Variants in B3GAT2 observed in about 807,000 individuals in gnomAD.
B3GAT2 encodes galactosylgalactosylxylosylprotein 3-beta-glucuronosyltransferase 2.
A neutral mutation model predicts 27.8 loss-of-function variants in B3GAT2; 26 were observed. The ratio of observed to expected loss-of-function variants is 0.93; its 90% CI spans 0.68 to 1.30. The LOEUF is 1.30. B3GAT2 is among the 50% of genes most tolerant of loss of function. The probability of loss-of-function intolerance (pLI) is 0.00; values close to 1 mark genes in which losing one functional copy is unlikely to be tolerated. For missense variants in B3GAT2, 458 were observed against 459.0 expected (o/e 1.00, Z 0.02); for synonymous variants, 218 against 195.1 (o/e 1.12, Z -0.98).
At chr6:70,878,696 A>T (rs1772053509) in intron 2 of B3GAT2, among the ~76,000 whole-genome samples, 1 of 145,118 alleles carries the variant, frequency 6.9e-6, no homozygotes, top group Admixed American at 6.8e-5. Flanking sequence ...CTTCTTTTTG[A>T]ATTCATTTTG....
Position 70,858,436 on chromosome 6 carries a change from G to T in B3GAT2, c.*3227C>A. On this transcript the variant is annotated 3_prime_UTR_variant, in exon 4 of 4. Coordinates refer to ENST00000230053, the MANE Select transcript of B3GAT2 (RefSeq NM_080742.3). Reference sequence around the variant, plus strand: ...ATGATGTGTTATTATCGCTATTTTAGAGTATTCTGTAAAAAAAAGGTTAAA... The same window carrying T: ...ATGATGTGTTATTATCGCTATTTTATAGTATTCTGTAAAAAAAAGGTTAAA... The T allele has an allele frequency of 2.2e-6, 1 of 457,414 alleles. No homozygotes were observed. The highest frequency in any genetic ancestry group is 4.0e-5 in the Admixed American group (1 of 25,032). The allele number at this position is 457,414 out of a possible 1,614,324, so 28.3% of individuals were successfully genotyped here.
At position 70,953,318 on chromosome 6, in the gene B3GAT2, G is replaced by A. The variant is rs142628050; in HGVS notation, c.591+2521C>T. ...CACGGAATCATTAATCTGAGAACGG[G>A]TGTATGGTAGGCTGTCTCACAAATA... is the stretch of plus-strand genomic sequence containing the variant. On this transcript the variant is annotated intron_variant, in intron 1 of 3. Coordinates refer to ENST00000230053, the MANE Select transcript of B3GAT2 (RefSeq NM_080742.3). 2.3e-3 allele frequency among the ~76,000 whole-genome samples: 351 copies of A among 152,334 alleles called. 3 individuals are homozygous for A. Among genetic ancestry groups the A allele is most frequent in the Middle Eastern group, 0.01 (3 of 294 alleles).
intron 1 of B3GAT2, among the ~76,000 whole-genome samples, chr6:70,953,143 T>C (rs575538413): frequency 7.9e-5 from 12 of 152,358 alleles, no homozygotes; most frequent in Non-Finnish European, 1.6e-4. Flanking sequence ...CTAATTGGTG[T>C]GCATGCACAA....
chr6:70,903,587 T>C (rs1772547077), intron 1 of B3GAT2, among the ~76,000 whole-genome samples: 1 of 152,120 alleles, frequency 6.6e-6, no homozygotes, highest in African/African-American at 2.4e-5. Flanking sequence ...TGACCAATTA[T>C]CACACAAAAA....
chr6:70,907,405 G>C (rs1772619660), intron 1 of B3GAT2, among the ~76,000 whole-genome samples: 1 of 152,198 alleles, frequency 6.6e-6, no homozygotes. Context: ...ACATTGTGAG[G>C]ACGGCAGGGT....
At chr6:70,893,809 G>A (rs1023088326) in intron 2 of B3GAT2, among the ~76,000 whole-genome samples, 7 of 152,084 alleles carry the variant, frequency 4.6e-5, no homozygotes, top group African/African-American at 1.7e-4. Flanking sequence ...TGGAAGGCAG[G>A]AGCCAGGTCT....
intron 1 of B3GAT2, among the ~76,000 whole-genome samples, chr6:70,900,987 C>T (rs1333704047): frequency 6.6e-6 from 1 of 151,888 alleles, no homozygotes; most frequent in Non-Finnish European, 1.5e-5. Context: ...CCAATGGGAC[C>T]CATGAACTAA....
chr6:70,924,582 G>A (rs1772922747), intron 1 of B3GAT2, among the ~76,000 whole-genome samples: 1 of 152,130 alleles, frequency 6.6e-6, no homozygotes, highest in African/African-American at 2.4e-5. Context: ...CTAGAATAGA[G>A]AGCCCAGAAA....
chr6:70,910,648 G>A, intron 1 of B3GAT2, among the ~76,000 whole-genome samples: 1 of 152,134 alleles, frequency 6.6e-6, no homozygotes, highest in East Asian at 1.9e-4. Context: ...GTGTGCATGT[G>A]TCTTTATGGT....
At chr6:70,886,123 T>G (rs1268225493) in intron 2 of B3GAT2, among the ~76,000 whole-genome samples, 1 of 152,188 alleles carries the variant, frequency 6.6e-6, no homozygotes, top group African/African-American at 2.4e-5. Context: ...GTTCTGCAGA[T>G]GAAGAAACCA....
At chr6:70,882,378 G>A (rs865993839) in intron 2 of B3GAT2, among the ~76,000 whole-genome samples, 2 of 152,148 alleles carry the variant, frequency 1.3e-5, no homozygotes, top group African/African-American at 4.8e-5. Flanking sequence ...GCGGGTGCCT[G>A]TAGTCCCAGC....
chr6:70,922,710 T>C (rs959887448), intron 1 of B3GAT2, among the ~76,000 whole-genome samples: 2 of 150,884 alleles, frequency 1.3e-5, no homozygotes, highest in African/African-American at 4.9e-5. Flanking sequence ...ATAATAAATA[T>C]TGAAAAGAAG....
At chr6:70,955,480 A>G (rs938578369) in intron 1 of B3GAT2, among the ~76,000 whole-genome samples, 1 of 123,686 alleles carries the variant, frequency 8.1e-6, no homozygotes, top group African/African-American at 3.0e-5. Flanking sequence ...TATCGCAGCC[A>G]GCGCCTGCAG....
At chr6:70,936,726 C>T (rs1181932083) in intron 1 of B3GAT2, among the ~76,000 whole-genome samples, 5 of 151,864 alleles carry the variant, frequency 3.3e-5, no homozygotes, top group Admixed American at 1.3e-4. Context: ...ACACAACATA[C>T]CAGAATCTCT....
At chr6:70,877,187 G>T (rs1407372468) in intron 2 of B3GAT2, among the ~76,000 whole-genome samples, 4 of 152,224 alleles carry the variant, frequency 2.6e-5, no homozygotes, top group African/African-American at 9.6e-5. Context: ...GCACTAGATG[G>T]TTCAGGTAAG....
In B3GAT2 at chr6:70,956,173, G is replaced by T; in HGVS notation, c.257C>A (p.Thr86Lys). 1 of 1,610,192 alleles carries T rather than the reference G, an allele frequency of 6.2e-7. No homozygotes were observed. The change falls in exon 1 of 4, where the codon ACG becomes AAG. Residue 86 changes from threonine to lysine, a missense_variant. Coordinates refer to ENST00000230053, the MANE Select transcript of B3GAT2 (RefSeq NM_080742.3). ...CTGCACCGGGCGGCTGTAGGTGGGC[G>T]TGATGGCATAGATGGTGGGCAGCTG... ...EPQLPTIYAI[T>K]PTYSRPVQKA...
At chr6:70,867,241 C>T (rs1190804056) in intron 2 of B3GAT2, among the ~76,000 whole-genome samples, 1 of 151,962 alleles carries the variant, frequency 6.6e-6, no homozygotes, top group African/African-American at 2.4e-5. Context: ...AATTCAATAA[C>T]CTAAGCTCCT....
chr6:70,928,924 G>A (rs893683206), intron 1 of B3GAT2, among the ~76,000 whole-genome samples: 4 of 152,060 alleles, frequency 2.6e-5, no homozygotes, highest in East Asian at 1.9e-4. Flanking sequence ...TGTTTATTGA[G>A]GCACTATTCA....
Position 70,947,224 on chromosome 6 carries a change from C to G in B3GAT2, c.591+8615G>C, listed in dbSNP as rs1418815677. Among the ~76,000 whole-genome samples the G allele has an allele frequency of 9.2e-5, 14 of 151,798 alleles. No individual in the cohort carries two copies. In the South Asian group the frequency reaches 2.5e-3, roughly 27 times the overall value. On this transcript the variant is annotated intron_variant, in intron 1 of 3. Coordinates refer to ENST00000230053, the MANE Select transcript of B3GAT2 (RefSeq NM_080742.3). ...AAAGCTAGCAGAAGGCAAGAAATAA[C>G]TAAAATCAGAGCAGAACTGAAGGAA...
Sources: gnomAD v4.1 joint callset for allele counts (sites outside exome capture counted in the v4.1 genomes callset) on GRCh38, gnomAD v4.1.1 for gene constraint, MANE v1.5 for transcripts, NCBI Gene and HGNC (gene_info 2026-07-23, HGNC 2026-07-21) for gene names.